Variants in ASMTL observed in about 807,000 individuals in gnomAD.
ASMTL encodes acetylserotonin O-methyltransferase like.
Under a neutral mutation model 60.3 loss-of-function variants are expected in ASMTL, and 57 were observed. The observed-to-expected ratio is 0.95, with a 90% CI of 0.76 to 1.18. The LOEUF (loss-of-function observed/expected upper bound fraction) is 1.18, where lower values mean the gene tolerates loss of function less well. Ranked by LOEUF, ASMTL falls within the 50% of genes most tolerant of loss-of-function variation. ASMTL has a pLI of 0.00. For synonymous variants in ASMTL, 419 were observed against 373.0 expected, an observed-to-expected ratio of 1.12 and a Z score of -1.42; for missense variants, 981 against 852.6, an observed-to-expected ratio of 1.15 and a Z score of -1.88.
intron 1 of ASMTL, among the ~76,000 whole-genome samples, chrX:1,444,159 C>A (rs1304512952): frequency 6.6e-6 from 1 of 152,076 alleles, no homozygotes; most frequent in Non-Finnish European, 1.5e-5. Context: ...ACATTCCGAG[C>A]CTGCGAGAAG....
At position 1,420,991 on chromosome X, in the gene ASMTL, G is replaced by A. The variant is rs781287138; in HGVS notation, c.1245+667C>T. On this transcript the variant is annotated intron_variant, in intron 9 of 12. Coordinates refer to ENST00000381317, the MANE Select transcript of ASMTL (RefSeq NM_004192.4). ...TTTTTTTTTTTTGAGATGGAGTTTC[G>A]CTCTGTCACCCAGGCTGGAGGGCAG... Among the ~76,000 whole-genome samples, 365 of 142,060 alleles carry A rather than the reference G, an allele frequency of 2.6e-3. 2 individuals carry two copies. The highest frequency in any genetic ancestry group is 7.9e-3 in the African/African-American group (289 of 36,364). The allele number at this position is 142,060 out of a possible 152,430, so 93.2% of individuals were successfully genotyped here. A position where few individuals can be genotyped will look rare whatever the true frequency, so the allele number is the denominator to read the frequency against.
intron 8 of ASMTL, among the ~76,000 whole-genome samples, chrX:1,424,867 C>T (rs189559519): frequency 0.013 from 1,873 of 144,422 alleles, 48 homozygotes; most frequent in African/African-American, 0.043. Context: ...CCCACCCACC[C>T]ATCCATCCAC....
intron 11 of ASMTL, among the ~76,000 whole-genome samples, chrX:1,415,461 T>C (rs7473664): frequency 0.88 from 130,990 of 148,136 alleles, 59,779 homozygotes; most frequent in East Asian, 1. Flanking sequence ...ATCATTATTA[T>C]TATCATTGTC....
At chrX:1,422,275 G>GCT (rs1289069507) in intron 8 of ASMTL, among the ~76,000 whole-genome samples, 21 of 152,230 alleles carry the variant, frequency 1.4e-4, no homozygotes, top group African/African-American at 4.8e-4. Context: ...AATGTGCATT[G>GCT]GCCTCATCCA....
intron 8 of ASMTL, 59 bp from the exon 9 acceptor site, chrX:1,421,901 C>T (rs759347226): frequency 2.0e-6 from 3 of 1,493,608 alleles, no homozygotes; most frequent in East Asian, 4.5e-5. Flanking sequence ...GAAACCTGAC[C>T]GTAGGGGATG....
intron 11 of ASMTL, among the ~76,000 whole-genome samples, chrX:1,415,615 G>A (rs1316088942): frequency 4.6e-5 from 7 of 151,848 alleles, no homozygotes; most frequent in South Asian, 2.1e-4. Flanking sequence ...ACAGGCGCCC[G>A]CCACCACGCC....
chrX:1,403,709 G>C, intron 12 of ASMTL: 1 of 600,704 alleles, frequency 1.7e-6, no homozygotes, highest in East Asian at 2.8e-5. Flanking sequence ...AAGATGGATG[G>C]ATAGATGGAT....
intron 10 of ASMTL, among the ~76,000 whole-genome samples, chrX:1,418,590 T>G (rs1372117082): frequency 6.6e-6 from 1 of 151,938 alleles, no homozygotes; most frequent in African/African-American, 2.4e-5. Flanking sequence ...TGTAAGCTGA[T>G]GGTGTGAGAA....
intron 11 of ASMTL, among the ~76,000 whole-genome samples, chrX:1,416,429 ACG>A (rs1434619113): frequency 0.019 from 2,566 of 134,030 alleles, 162 homozygotes; most frequent in Middle Eastern, 0.029. Context: ...AGACAGGCAC[ACG>A]CACATAAACA....
intron 1 of ASMTL, among the ~76,000 whole-genome samples, chrX:1,448,374 C>A (rs1377382288): frequency 6.8e-6 from 1 of 146,998 alleles, no homozygotes; most frequent in Non-Finnish European, 1.5e-5. Context: ...CCATCTTGGA[C>A]AAGCACCACC....
rs776208692 is a variant in ASMTL, at chrX:1,434,395, C to T, written c.400+627G>A. Among the ~76,000 whole-genome samples, 6 of 150,728 alleles carry T rather than the reference C, an allele frequency of 4.0e-5. No homozygotes were observed. The East Asian group carries it at 5.9e-4, about 15-fold the overall frequency. On this transcript the variant is annotated intron_variant, in intron 5 of 12. Coordinates refer to ENST00000381317, the MANE Select transcript of ASMTL (RefSeq NM_004192.4). ...GTTTCTGTGACTGTAGGGGCTGAGG[C>T]GGGAGGATCGCTGGAGCTCAGGAGG...
At chrX:1,413,633 C>T (rs1244391050) in intron 11 of ASMTL, 2 of 152,328 alleles carry the variant, frequency 1.3e-5, no homozygotes, top group East Asian at 1.9e-4. Context: ...GGTGCTGACC[C>T]TCAGTCGCTG....
At chrX:1,440,133 C>G (rs1355560905) in intron 2 of ASMTL, among the ~76,000 whole-genome samples, 5 of 150,956 alleles carry the variant, frequency 3.3e-5, no homozygotes, top group African/African-American at 1.2e-4. Context: ...GTCGCCCAGG[C>G]TGGAGGGCAG....
intron 3 of ASMTL, among the ~76,000 whole-genome samples, chrX:1,437,001 T>G (rs1402370707): frequency 6.6e-6 from 1 of 151,918 alleles, no homozygotes; most frequent in Non-Finnish European, 1.5e-5. Flanking sequence ...CTCCTGGGCT[T>G]GGAGATGCCA....
Position 1,403,272 on chromosome X carries a change from G to C in ASMTL, c.1863C>G (p.Pro621=), listed in dbSNP as rs1260941652. The change falls in exon 13 of 13, where the codon CCC becomes CCG. Residue 621 remains proline, a synonymous_variant. Transcript: ENST00000381317. The part of the protein sequence containing the change: ...LDAILATKVA[P] Reference sequence around the variant, plus strand: ...TAATGAACATGCTGCCTGGGCTTCAGGGGGCCACTTTGGTGGCCAAGATGG... The same window carrying C: ...TAATGAACATGCTGCCTGGGCTTCACGGGGCCACTTTGGTGGCCAAGATGG... 6.3e-7 allele frequency: 1 copy of C among 1,580,848 alleles called. No homozygotes were observed. Among genetic ancestry groups the C allele is most frequent in the Non-Finnish European group, 8.6e-7 (1 of 1,161,910 alleles).
intron 9 of ASMTL, among the ~76,000 whole-genome samples, chrX:1,420,033 GTC>G (rs772451320): frequency 7.3e-5 from 2 of 27,282 alleles, no homozygotes; most frequent in African/African-American, 9.2e-5. Flanking sequence ...ATCTCCCTCT[GTC>G]TCTGTCTCTA....
At chrX:1,418,155 C>T in intron 10 of ASMTL, 39 bp from the exon 11 acceptor site, 2 of 1,554,032 alleles carry the variant, frequency 1.3e-6, no homozygotes, top group Middle Eastern at 2.0e-4. Context: ...GCTGGGTCGT[C>T]TATGGAACTC....
intron 11 of ASMTL, among the ~76,000 whole-genome samples, chrX:1,413,431 GGA>G (rs1223249156): frequency 6.6e-6 from 1 of 152,244 alleles, no homozygotes; most frequent in Admixed American, 6.5e-5. Flanking sequence ...CGTGTGCCAG[GGA>G]GAGTCGGGGC....
chrX:1,430,292 G>A (rs377114537), intron 6 of ASMTL, among the ~76,000 whole-genome samples: 1 of 152,136 alleles, frequency 6.6e-6, no homozygotes, highest in African/African-American at 2.4e-5. Flanking sequence ...GATGACAGGC[G>A]TGAGCCACCA....
Sources: gnomAD v4.1 joint callset for allele counts (sites outside exome capture counted in the v4.1 genomes callset) on GRCh38, gnomAD v4.1.1 for gene constraint, MANE v1.5 for transcripts, NCBI Gene and HGNC (gene_info 2026-07-23, HGNC 2026-07-21) for gene names.